The following F13A1 variants were observed in gnomAD, a reference collection of about 807,000 sequenced individuals.
F13A1 encodes coagulation factor XIII A chain, also known as FSF, A subunit.
A neutral mutation model predicts 80.1 loss-of-function variants in F13A1; 47 were observed. That is an observed-to-expected ratio of 0.59 (90% CI 0.46 to 0.75). F13A1 has a LOEUF of 0.75. Among genes scored for constraint, F13A1 ranks in the 30% least tolerant of loss-of-function variants. F13A1 has a pLI of 0.00. For synonymous variants in F13A1, 349 were observed against 344.9 expected (o/e 1.01, Z -0.13); for missense variants, 817 against 930.4 (o/e 0.88, Z 1.59).
chr6:6,151,341 T>C (rs1164474188), intron 14 of F13A1, among the ~76,000 whole-genome samples: 1 of 152,110 alleles, frequency 6.6e-6, no homozygotes. Flanking sequence ...GAGGTGAGGC[T>C]GGAGACAAAG....
intron 13 of F13A1, among the ~76,000 whole-genome samples, chr6:6,161,647 C>T (rs1323252895): frequency 1.3e-5 from 2 of 151,482 alleles, no homozygotes; most frequent in Non-Finnish European, 2.9e-5. Flanking sequence ...CTTTTCTCAT[C>T]AAAATATTTT....
chr6:6,150,766 A>G lies in F13A1; in HGVS notation c.2045+1047T>C, dbSNP rs1760359828. 3.9e-5 allele frequency among the ~76,000 whole-genome samples: 6 copies of G among 152,190 alleles called. No homozygotes were observed. The South Asian group carries it at 1.2e-3, about 32-fold the overall frequency. On this transcript the variant is annotated intron_variant, in intron 14 of 14. Transcript: ENST00000264870. ...CTGACAAGGACTTATTTGTGGTAGA[A>G]ATGAAAGTAATAAACCTCAAAGATT...
chr6:6,192,979 C>T (rs534904573), intron 10 of F13A1, among the ~76,000 whole-genome samples: 64 of 152,298 alleles, frequency 4.2e-4, no homozygotes, highest in African/African-American at 1.5e-3. Flanking sequence ...CGACTCCAGA[C>T]GCTTAGAACA....
intron 12 of F13A1, among the ~76,000 whole-genome samples, chr6:6,170,103 G>A (rs1472273166): frequency 6.6e-6 from 1 of 152,186 alleles, no homozygotes; most frequent in Non-Finnish European, 1.5e-5. Flanking sequence ...AGCACAAATG[G>A]TCAGTTTATC....
At chr6:6,275,205 G>A (rs750944244) in intron 3 of F13A1, among the ~76,000 whole-genome samples, 3 of 152,204 alleles carry the variant, frequency 2.0e-5, no homozygotes, top group Non-Finnish European at 4.4e-5. Context: ...TCGGGGGAAG[G>A]TAAGTGGAGG....
At chr6:6,287,500 A>G (rs1184986286) in intron 3 of F13A1, among the ~76,000 whole-genome samples, 1 of 152,186 alleles carries the variant, frequency 6.6e-6, no homozygotes, top group Admixed American at 6.5e-5. Flanking sequence ...GAGGGGAGAA[A>G]GCACAGGAGG....
chr6:6,217,255 A>G (rs1164671289), intron 8 of F13A1, among the ~76,000 whole-genome samples: 2 of 152,104 alleles, frequency 1.3e-5, no homozygotes, highest in Non-Finnish European at 2.9e-5. Flanking sequence ...ACTATTCACA[A>G]TAGCAAAGAC....
At chr6:6,203,888 T>G (rs1026898159) in intron 8 of F13A1, among the ~76,000 whole-genome samples, 2 of 152,240 alleles carry the variant, frequency 1.3e-5, no homozygotes, top group Non-Finnish European at 2.9e-5. Flanking sequence ...GTATTTTTTC[T>G]GCAACATTTA....
intron 2 of F13A1, among the ~76,000 whole-genome samples, chr6:6,306,332 CT>C (rs1758512138): frequency 6.6e-6 from 1 of 152,208 alleles, no homozygotes; most frequent in Admixed American, 6.5e-5. Context: ...TCACATGTTT[CT>C]TAGTTGTCTA....
At chr6:6,147,927 G>A (rs549219565) in intron 14 of F13A1, among the ~76,000 whole-genome samples, 3 of 152,292 alleles carry the variant, frequency 2.0e-5, no homozygotes, top group African/African-American at 7.2e-5. Flanking sequence ...TCTCAGTAAC[G>A]TGCTGAGCCA....
chr6:6,258,370 C>T (rs1757730739), intron 4 of F13A1, among the ~76,000 whole-genome samples: 1 of 152,106 alleles, frequency 6.6e-6, no homozygotes, highest in Non-Finnish European at 1.5e-5. Flanking sequence ...CCAGGCACCA[C>T]GAAAGGCTGA....
chr6:6,297,335 C>A (rs1479124479), intron 3 of F13A1, among the ~76,000 whole-genome samples: 4 of 151,618 alleles, frequency 2.6e-5, no homozygotes, highest in Non-Finnish European at 4.4e-5. Flanking sequence ...CCAGTTCCTC[C>A]TTGTACCTCT....
At chr6:6,166,173 C>G (rs1052502086) in intron 13 of F13A1, among the ~76,000 whole-genome samples, 1 of 152,254 alleles carries the variant, frequency 6.6e-6, no homozygotes, top group African/African-American at 2.4e-5. Context: ...GTTATAGAAC[C>G]TCTCTGTGCT....
At chr6:6,230,648 G>T (rs1757338316) in intron 6 of F13A1, among the ~76,000 whole-genome samples, 1 of 152,194 alleles carries the variant, frequency 6.6e-6, no homozygotes, top group South Asian at 2.1e-4. Context: ...CACAAAAATA[G>T]AGCATTAAAC....
rs774526841 is a variant in F13A1 at position 6,250,871 on chromosome 6, G to A, written c.630C>T (p.Ile210=). 8 of 1,613,544 alleles carry A rather than the reference G, an allele frequency of 5.0e-6. No individual in the cohort carries two copies. Among genetic ancestry groups the A allele is most frequent in the South Asian group, 2.2e-5 (2 of 91,078 alleles). ...TGACCTCTCCATAAAAAATTACCCCGATGTCATTCAGGACATACTCTTCTC... is the reference window on the plus strand; with the variant it reads ...TGACCTCTCCATAAAAAATTACCCCAATGTCATTCAGGACATACTCTTCTC... ...KEREEYVLND[I]GVIFYGEVND... is the part of the protein sequence containing the mutation. The change falls in exon 5 of 15, where the codon ATC becomes ATT. Residue 210 remains isoleucine, a synonymous_variant. Transcript: ENST00000264870. The surrounding 1 kb of genome is among the most constrained non-coding windows in gnomAD (Gnocchi z 4.2).
intron 3 of F13A1, among the ~76,000 whole-genome samples, chr6:6,268,858 T>TG (rs1201781871): frequency 6.7e-6 from 1 of 149,696 alleles, no homozygotes; most frequent in Non-Finnish European, 1.5e-5. Context: ...CTGGCTAACT[T>TG]TTTGTATTTT....
intron 11 of F13A1, among the ~76,000 whole-genome samples, chr6:6,175,463 C>T (rs140400833): frequency 6.6e-6 from 1 of 152,180 alleles, no homozygotes; most frequent in Non-Finnish European, 1.5e-5. Flanking sequence ...CATGCCATGG[C>T]AGAAGGTTCT....
chr6:6,303,680 C>T (rs1214114158), intron 3 of F13A1, among the ~76,000 whole-genome samples: 2 of 152,112 alleles, frequency 1.3e-5, no homozygotes, highest in East Asian at 3.8e-4. Flanking sequence ...TGACCAACCC[C>T]TTGGGAGACT....
chr6:6,267,461 C>T (rs1757860828), intron 3 of F13A1, among the ~76,000 whole-genome samples: 1 of 152,182 alleles, frequency 6.6e-6, no homozygotes, highest in Non-Finnish European at 1.5e-5. Context: ...GCACCCATCT[C>T]CTGTTTCTGC....
Sources: allele counts gnomAD v4.1 joint callset (sites outside exome capture counted in the v4.1 genomes callset), GRCh38; gene constraint gnomAD v4.1.1; non-coding constraint Gnocchi (gnomAD v3.1); transcripts MANE v1.5; gene names NCBI Gene and HGNC (gene_info 2026-07-23, HGNC 2026-07-21).